Variants in TRERF1 observed in about 807,000 individuals in gnomAD.
The protein encoded by TRERF1 is transcriptional regulating factor 1.
A neutral mutation model predicts 122.9 loss-of-function variants in TRERF1; 27 were observed. The ratio of observed to expected loss-of-function variants is 0.22; its 90% CI spans 0.16 to 0.30. The LOEUF (loss-of-function observed/expected upper bound fraction) is 0.30. TRERF1 is among the 10% of genes least tolerant of loss of function. The pLI, the probability that TRERF1 is intolerant of heterozygous loss-of-function variation, is 1.00. For missense variants in TRERF1, 1,248 were observed against 1,560.3 expected (o/e 0.80, Z 3.37); for synonymous variants, 636 against 641.7 (o/e 0.99, Z 0.13).
At chr6:42,306,807 T>C (rs946443605) in intron 3 of TRERF1, among the ~76,000 whole-genome samples, 4 of 152,242 alleles carry the variant, frequency 2.6e-5, no homozygotes, top group Non-Finnish European at 5.9e-5. Context: ...CAGTTGTAAT[T>C]AATCAATTAT....
chr6:42,254,448 C>T (rs547397090), intron 13 of TRERF1, among the ~76,000 whole-genome samples: 2 of 152,238 alleles, frequency 1.3e-5, no homozygotes, highest in Non-Finnish European at 2.9e-5. Context: ...ATACAAGTCT[C>T]ATTTTACAGG....
At chr6:42,348,473 G>A (rs1214408082) in intron 3 of TRERF1, among the ~76,000 whole-genome samples, 6 of 151,916 alleles carry the variant, frequency 3.9e-5, no homozygotes, top group African/African-American at 9.7e-5. Context: ...GGCTGGTCCC[G>A]AACTCCTGAC....
intron 5 of TRERF1, among the ~76,000 whole-genome samples, chr6:42,267,813 A>G (rs1287420603): frequency 1.3e-5 from 2 of 152,236 alleles, no homozygotes; most frequent in African/African-American, 4.8e-5. Flanking sequence ...GAGCATATCC[A>G]GAGCACACAG....
chr6:42,391,690 A>G (rs1190442454), intron 2 of TRERF1, among the ~76,000 whole-genome samples: 1 of 152,064 alleles, frequency 6.6e-6, no homozygotes, highest in African/African-American at 2.4e-5. Context: ...GCCACCACAG[A>G]GCTCATTCTT....
At chr6:42,374,938 G>T (rs989790031) in intron 2 of TRERF1, among the ~76,000 whole-genome samples, 3 of 150,220 alleles carry the variant, frequency 2.0e-5, no homozygotes, top group Admixed American at 6.6e-5. Context: ...TTGAACCTGG[G>T]AGATGGAGGT....
At chr6:42,243,636 A>T (rs1422408246) in intron 14 of TRERF1, among the ~76,000 whole-genome samples, 1 of 149,706 alleles carries the variant, frequency 6.7e-6, no homozygotes, top group South Asian at 2.1e-4. Context: ...GCTGGAGTGC[A>T]GTGGCGCAAT....
At chr6:42,403,773 C>T (rs1457408519) in intron 2 of TRERF1, among the ~76,000 whole-genome samples, 3 of 152,146 alleles carry the variant, frequency 2.0e-5, no homozygotes, top group Non-Finnish European at 4.4e-5. Flanking sequence ...CATTCCAGAG[C>T]GCATTTTGTA....
chr6:42,236,901 A>G (rs1350280229), intron 15 of TRERF1, among the ~76,000 whole-genome samples: 1 of 152,182 alleles, frequency 6.6e-6, no homozygotes, highest in Non-Finnish European at 1.5e-5. Flanking sequence ...CACACCATGC[A>G]AGATACTGGA....
chr6:42,374,137 TA>T (rs373255205), intron 2 of TRERF1, among the ~76,000 whole-genome samples: 190 of 127,342 alleles, frequency 1.5e-3, no homozygotes, highest in Non-Finnish European at 2.1e-3. Flanking sequence ...GTCTTTTTTT[TA>T]AAAAAAAAAA....
At chr6:42,262,244 G>T (rs1327943344) in intron 8 of TRERF1, among the ~76,000 whole-genome samples, 1 of 151,806 alleles carries the variant, frequency 6.6e-6, no homozygotes, top group African/African-American at 2.4e-5. Flanking sequence ...CACCATAAAG[G>T]TTTTTTTCTG....
At chr6:42,412,943 G>C (rs1234764440) in intron 2 of TRERF1, among the ~76,000 whole-genome samples, 1 of 152,134 alleles carries the variant, frequency 6.6e-6, no homozygotes, top group African/African-American at 2.4e-5. Flanking sequence ...CTGGGTGACA[G>C]GGTGGGGCCC....
chr6:42,306,409 T>C (rs1787267716), intron 3 of TRERF1, among the ~76,000 whole-genome samples: 1 of 152,196 alleles, frequency 6.6e-6, no homozygotes, highest in Non-Finnish European at 1.5e-5. Flanking sequence ...TGATGGGATA[T>C]AGGCAGATCA....
rs112139639 is a variant in TRERF1 at position 42,382,690 on chromosome 6, C to T, written c.-453-19611G>A. 2.2e-4 allele frequency among the ~76,000 whole-genome samples: 33 copies of T among 151,986 alleles called. No homozygotes were observed. In the East Asian group the frequency reaches 3.7e-3, roughly 17 times the overall value. On this transcript the variant is annotated intron_variant, in intron 2 of 17. Coordinates refer to ENST00000372922, the Ensembl canonical transcript of TRERF1. ...TGAAAACAGAAGGAAACAGTGGATT[C>T]GTGCAGCTTTTTTTTTCATATTAAC...
chr6:42,311,285 T>C (rs1788183693), intron 3 of TRERF1, among the ~76,000 whole-genome samples: 1 of 151,894 alleles, frequency 6.6e-6, no homozygotes, highest in African/African-American at 2.4e-5. Context: ...CTATTCATGG[T>C]CACCTGAAAA....
chr6:42,313,356 G>A (rs1761982682), intron 3 of TRERF1, among the ~76,000 whole-genome samples: 1 of 152,302 alleles, frequency 6.6e-6, no homozygotes. Context: ...AGCAGAGGAG[G>A]AAAGTGTCGT....
intron 13 of TRERF1, among the ~76,000 whole-genome samples, chr6:42,247,998 G>A (rs1775104141): frequency 6.6e-6 from 1 of 152,164 alleles, no homozygotes; most frequent in Non-Finnish European, 1.5e-5. Context: ...TTCCGGGCGA[G>A]TCCAAGGTTT....
chr6:42,436,107 G>A (rs2151721452), intron 2 of TRERF1, among the ~76,000 whole-genome samples: 1 of 152,064 alleles, frequency 6.6e-6, no homozygotes, highest in East Asian at 1.9e-4. Flanking sequence ...AGTGGCTCAC[G>A]CCTGTAATTC....
chr6:42,398,286 T>C (rs979575036), intron 2 of TRERF1, among the ~76,000 whole-genome samples: 1 of 152,220 alleles, frequency 6.6e-6, no homozygotes, highest in Non-Finnish European at 1.5e-5. Flanking sequence ...TCTGAACATT[T>C]TGCAAAACCA....
rs191130253 is a variant in TRERF1, at chr6:42,327,102, A to G, written c.-370-26353T>C. ...ACAAGTAAGGGCGGGAGGTGGGGGGAATCTGATAAACTTAATACCACCAGG... is the reference window on the plus strand; with the variant it reads ...ACAAGTAAGGGCGGGAGGTGGGGGGGATCTGATAAACTTAATACCACCAGG... On this transcript the variant is annotated intron_variant, in intron 3 of 17. Transcript: ENST00000372922. 2.3e-3 allele frequency among the ~76,000 whole-genome samples: 349 copies of G among 152,190 alleles called. 1 individual carries two copies. Among genetic ancestry groups the G allele is most frequent in the African/African-American group, 8.0e-3 (331 of 41,504 alleles).
Sources: gnomAD v4.1 joint callset for allele counts (sites outside exome capture counted in the v4.1 genomes callset) on GRCh38, gnomAD v4.1.1 for gene constraint, MANE v1.5 for transcripts, NCBI Gene and HGNC (gene_info 2026-07-23, HGNC 2026-07-21) for gene names.